WDFY4: variants seen among roughly 807,000 people sequenced by gnomAD.
WDFY4 encodes WDFY family member 4.
A neutral mutation model predicts 351.9 loss-of-function variants in WDFY4; 169 were observed. That is an observed-to-expected ratio of 0.48 (90% confidence interval 0.42 to 0.55). The LOEUF (loss-of-function observed/expected upper bound fraction) is 0.55, where lower values mean the gene tolerates loss of function less well. Among genes scored for constraint, WDFY4 ranks in the 20% least tolerant of loss-of-function variants. WDFY4 has a pLI of 0.00. For missense variants in WDFY4, 3,803 were observed against 3,935.6 expected, an observed-to-expected ratio of 0.97 and a Z score of 0.90; for synonymous variants, 1,622 against 1,574.6, an observed-to-expected ratio of 1.03 and a Z score of -0.71.
At chr10:48,933,002 A>G (rs1424883154) in intron 47 of WDFY4, among the ~76,000 whole-genome samples, 1 of 152,116 alleles carries the variant, frequency 6.6e-6, no homozygotes, top group Non-Finnish European at 1.5e-5. Flanking sequence ...AAGGCCTTCT[A>G]TAAGGATAAC....
intron 5 of WDFY4, among the ~76,000 whole-genome samples, chr10:48,724,187 C>G (rs149893006): frequency 6.6e-6 from 1 of 152,030 alleles, no homozygotes; most frequent in Non-Finnish European, 1.5e-5. Context: ...TTGCAGGGGA[C>G]GGTATGGAGG....
intron 42 of WDFY4, 140 bp from the exon 43 acceptor site, chr10:48,876,882 AGCAGTGGAGGG>A (rs2070035189): frequency 2.8e-6 from 2 of 702,450 alleles, no homozygotes; most frequent in Admixed American, 7.4e-5. Context: ...CATTTCCAGA[AGCAGTGGAGGG>A]GCACAGTGAG....
Position 48,913,576 on chromosome 10 carries a change from T to G in WDFY4, c.7586+11713T>G, listed in dbSNP as rs760844372. Reference sequence around the variant, plus strand: ...TCCACAACATACAAGTTCTCCAGCCTCCTGATGGAGTCTATGAATATTTCC... The same window carrying G: ...TCCACAACATACAAGTTCTCCAGCCGCCTGATGGAGTCTATGAATATTTCC... On this transcript the variant is annotated intron_variant, in intron 47 of 61. Coordinates refer to ENST00000325239, the MANE Select transcript of WDFY4 (RefSeq NM_001394531.1). 1.9e-6 allele frequency: 3 copies of G among 1,613,818 alleles called. No homozygotes were observed. In the African/African-American group the frequency reaches 4.0e-5, roughly 22 times the overall value.
chr10:48,723,870 G>A (rs982150976), intron 5 of WDFY4, among the ~76,000 whole-genome samples: 1 of 152,048 alleles, frequency 6.6e-6, no homozygotes, highest in Non-Finnish European at 1.5e-5. Flanking sequence ...GTCATCCTGG[G>A]TCCATACAAA....
intron 39 of WDFY4, among the ~76,000 whole-genome samples, chr10:48,837,518 G>A (rs1323318992): frequency 6.6e-6 from 1 of 152,168 alleles, no homozygotes; most frequent in African/African-American, 2.4e-5. Flanking sequence ...AGATAGTGGG[G>A]GCTGCAGTAG....
intron 47 of WDFY4, among the ~76,000 whole-genome samples, chr10:48,918,912 CA>C (rs1405039455): frequency 6.6e-6 from 1 of 152,140 alleles, no homozygotes; most frequent in Non-Finnish European, 1.5e-5. Flanking sequence ...CACTGAGGAG[CA>C]AAATTGCCTG....
At chr10:48,913,675 C>A in intron 47 of WDFY4, 1 of 1,613,440 alleles carries the variant, frequency 6.2e-7, no homozygotes, top group South Asian at 1.1e-5. Context: ...GAGATGCTCA[C>A]GGGGATGTTG....
intron 18 of WDFY4, 31 bp from the exon 19 acceptor site, chr10:48,779,910 C>T (rs907078768): frequency 4.3e-5 from 66 of 1,550,080 alleles, no homozygotes; most frequent in South Asian, 1.2e-4. Flanking sequence ...TAGCACCACA[C>T]GTGAGACTCA....
chr10:48,697,521 A>C (rs2063362898), intron 1 of WDFY4, among the ~76,000 whole-genome samples: 1 of 152,196 alleles, frequency 6.6e-6, no homozygotes, highest in African/African-American at 2.4e-5. Context: ...TCTGTTTCCA[A>C]GCTCACCAGG....
At chr10:48,788,021 TC>T (rs2066549216) in intron 20 of WDFY4, among the ~76,000 whole-genome samples, 1 of 131,976 alleles carries the variant, frequency 7.6e-6, no homozygotes, top group Non-Finnish European at 1.5e-5. Context: ...CTTCTCCTTC[TC>T]CTTCTCCTTT....
chr10:48,970,013 C>T (rs1842268247), intron 56 of WDFY4, 118 bp from the exon 57 acceptor site: 4 of 1,256,750 alleles, frequency 3.2e-6, no homozygotes, highest in Middle Eastern at 1.9e-4. Flanking sequence ...CTCCTGAACA[C>T]ATGGCATGTC....
intron 39 of WDFY4, among the ~76,000 whole-genome samples, chr10:48,836,791 G>A (rs899649764): frequency 5.9e-5 from 9 of 152,120 alleles, no homozygotes; most frequent in African/African-American, 2.2e-4. Flanking sequence ...TGGGAACTTG[G>A]ACTCCCTTGA....
At chr10:48,693,996 G>T (rs1295790106) in intron 1 of WDFY4, among the ~76,000 whole-genome samples, 1 of 152,160 alleles carries the variant, frequency 6.6e-6, no homozygotes, top group Non-Finnish European at 1.5e-5. Context: ...GAGGAGCCAG[G>T]CATGCATACT....
In WDFY4 at chr10:48,877,038, C is replaced by G. The variant is rs2070044097; in HGVS notation, c.7006C>G (p.Leu2336Val). The change falls in exon 43 of 62, where the codon CTG becomes GTG. Residue 2336 changes from leucine (L) to valine (V), a missense_variant. Physicochemically the swap from Leu to Val is conservative, Grantham distance 32. Transcript: ENST00000325239. Reference sequence around the variant, plus strand: ...GTCCCTTTATGCTGCTGCAGATGAACTGACACTGAGGGAGGCTGAGGGCGA... The same window carrying G: ...GTCCCTTTATGCTGCTGCAGATGAAGTGACACTGAGGGAGGCTGAGGGCGA... Reference protein sequence around the residue: ...SQTNAENQDELTLREAEGEPD... With the variant: ...SQTNAENQDEVTLREAEGEPD... The G allele has an allele frequency of 1.3e-6, 2 of 1,484,930 alleles. No individual in the cohort carries two copies. The highest frequency in any genetic ancestry group is 1.8e-6 in the Non-Finnish European group (2 of 1,115,338). The allele number at this position is 1,484,930 out of a possible 1,614,324, so 92.0% of individuals were successfully genotyped here. A position where few individuals can be genotyped will look rare whatever the true frequency, so the allele number is the denominator to read the frequency against.
At chr10:48,880,553 A>G (rs772829503) in intron 43 of WDFY4, among the ~76,000 whole-genome samples, 1 of 152,242 alleles carries the variant, frequency 6.6e-6, no homozygotes, top group Non-Finnish European at 1.5e-5. Context: ...ATGTGCAGAC[A>G]GGAGCATGTG....
intron 47 of WDFY4, among the ~76,000 whole-genome samples, chr10:48,911,546 A>G (rs990826743): frequency 6.6e-5 from 10 of 152,242 alleles, no homozygotes; most frequent in South Asian, 4.1e-4. Flanking sequence ...ACTTATAGTT[A>G]TGTATATCCA....
intron 47 of WDFY4, among the ~76,000 whole-genome samples, chr10:48,931,336 C>T (rs181775269): frequency 6.6e-6 from 1 of 152,264 alleles, no homozygotes; most frequent in African/African-American, 2.4e-5. Context: ...TTATGCTGTC[C>T]CAGAGTGGAA....
chr10:48,747,973 C>G (rs924365987), intron 12 of WDFY4, among the ~76,000 whole-genome samples: 3 of 152,222 alleles, frequency 2.0e-5, no homozygotes, highest in African/African-American at 4.8e-5. Context: ...GTCTTAGCTG[C>G]CCTTTCCAAG....
chr10:48,887,747 C>A (rs146274362), intron 43 of WDFY4, among the ~76,000 whole-genome samples: 3 of 142,028 alleles, frequency 2.1e-5, no homozygotes, highest in African/African-American at 7.8e-5. Context: ...CCACTGCACT[C>A]CAGCCTGGGC....
Sources: allele counts gnomAD v4.1 joint callset (sites outside exome capture counted in the v4.1 genomes callset), GRCh38; gene constraint gnomAD v4.1.1; transcripts MANE v1.5; gene names NCBI Gene and HGNC (gene_info 2026-07-23, HGNC 2026-07-21).